TMED6: variants seen among roughly 807,000 people sequenced by gnomAD.
TMED6 encodes the protein transmembrane p24 trafficking protein 6.
TMED6 carries 17 observed loss-of-function variants against 26.5 expected under a neutral mutation model. The ratio of observed to expected loss-of-function variants is 0.64; its 90% CI spans 0.44 to 0.96. The LOEUF is 0.96. Among genes scored for constraint, TMED6 ranks in the 40% least tolerant of loss-of-function variants. The pLI, the probability that TMED6 is intolerant of heterozygous loss-of-function variation, is 0.00. For synonymous variants in TMED6, 107 were observed against 106.2 expected, an observed-to-expected ratio of 1.01 and a Z score of -0.04; for missense variants, 309 against 296.5, an observed-to-expected ratio of 1.04 and a Z score of -0.31.
Position 69,343,355 on chromosome 16 carries a change from G to C in TMED6, c.*52C>G. The stretch of plus-strand genomic sequence containing the variant: ...TTTTGTCCCATAACATTACAAAGCT[G>C]ATTCGACTAAGCCCCAGAAGAAAAC... On this transcript the variant is annotated 3_prime_UTR_variant, in exon 4 of 4. Coordinates refer to ENST00000288025, the MANE Select transcript of TMED6 (RefSeq NM_144676.4). 5.4e-6 allele frequency: 8 copies of C among 1,489,874 alleles called. No homozygotes were observed. The highest frequency in any genetic ancestry group is 7.4e-6 in the Non-Finnish European group (8 of 1,086,424). 92.3% of individuals were successfully genotyped at this position (1,489,874 alleles called of 1,614,324 possible). A position where few individuals can be genotyped will look rare whatever the true frequency, so the allele number is the denominator to read the frequency against.
At chr16:69,348,176 C>T in intron 2 of TMED6, 1 of 371,938 alleles carries the variant, frequency 2.7e-6, no homozygotes. Context: ...TGGGTAGTGG[C>T]AAACAATGTT....
rs560632544 is a variant in TMED6, at chr16:69,347,858, T to G, written c.419A>C (p.Tyr140Ser). ...TTTGTGATCAGTCTCAGGCCCCTCATAGAAGACCCCAAAGTTGAGGTACAC... is the reference window on the plus strand; with the variant it reads ...TTTGTGATCAGTCTCAGGCCCCTCAGAGAAGACCCCAAAGTTGAGGTACAC... ...VQVYLNFGVF[Y>S]EGPETDHKQK... Residue 140 changes from tyrosine (Y) to serine (S), a missense_variant, in exon 3 of 4, where the codon TAT (tyrosine) becomes TCT (serine). By Grantham distance (144) the Tyr-to-Ser change is moderately radical. Transcript: ENST00000288025. 2 of 1,614,056 alleles carry G rather than the reference T, an allele frequency of 1.2e-6. No homozygotes were observed. The highest frequency in any genetic ancestry group is 2.7e-5 in the African/African-American group (2 of 74,910).
intron 3 of TMED6, among the ~76,000 whole-genome samples, chr16:69,345,571 T>A (rs1398904506): frequency 6.2e-5 from 9 of 145,556 alleles, no homozygotes; most frequent in Non-Finnish European, 1.2e-4. Context: ...TAATGCCACC[T>A]ACTCAGGAGG....
At chr16:69,348,803 C>T (rs1442463373) in intron 2 of TMED6, among the ~76,000 whole-genome samples, 2 of 152,052 alleles carry the variant, frequency 1.3e-5, no homozygotes, top group Non-Finnish European at 1.5e-5. Flanking sequence ...TTAGTAGAGA[C>T]GGGGTTTCAC....
chr16:69,346,476 A>G (rs2012688361), intron 3 of TMED6, among the ~76,000 whole-genome samples: 1 of 152,308 alleles, frequency 6.6e-6, no homozygotes, highest in South Asian at 2.1e-4. Flanking sequence ...TAAAGAAGCC[A>G]GTCTTGGCTG....
rs145175739 is a variant in TMED6 at position 69,349,644 on chromosome 16, C to G, written c.221G>C (p.Arg74Pro). The G allele has an allele frequency of 6.2e-7, 1 of 1,613,386 alleles. No homozygotes were observed. Among genetic ancestry groups the G allele is most frequent in the Non-Finnish European group, 8.5e-7 (1 of 1,179,570 alleles). ...GYFYFSYEVQ[R>P]TVGMSHDRHV... The stretch of plus-strand genomic sequence containing the variant: ...CCGGTCATGTGACATCCCCACTGTC[C>G]GCTGAACCTGCCAAGACACATTAAA... Residue 74 changes from arginine (R) to proline (P), a missense_variant, in exon 2 of 4, where the codon CGG (arginine) becomes CCG (proline). Arg to Pro is a moderately radical substitution (Grantham distance 103). Coordinates refer to ENST00000288025, the MANE Select transcript of TMED6 (RefSeq NM_144676.4).
At chr16:69,348,400 G>A (rs2012720462) in intron 2 of TMED6, 1 of 144,186 alleles carries the variant, frequency 6.9e-6, no homozygotes, top group Non-Finnish European at 1.5e-5. Flanking sequence ...AAGGCGGTGT[G>A]TACAGTGACT....
At chr16:69,349,682 C>A (rs753857394) in intron 1 of TMED6, 31 bp from the exon 2 acceptor site, 21 of 1,603,344 alleles carry the variant, frequency 1.3e-5, no homozygotes, top group Non-Finnish European at 1.7e-5. Context: ...GGTAGCAGAA[C>A]CCCTGCTACA....
At position 69,351,608 on chromosome 16, in the gene TMED6, G is replaced by T. The variant is rs780721994; in HGVS notation, c.146C>A (p.Pro49His). 8 of 1,614,132 alleles carry T rather than the reference G, an allele frequency of 5.0e-6. No individual in the cohort carries two copies. Among genetic ancestry groups the T allele is most frequent in the Non-Finnish European group, 6.8e-6 (8 of 1,180,034 alleles). The change falls in exon 1 of 4, where the codon CCT becomes CAT. Residue 49 changes from proline (P) to histidine (H), a missense_variant. Transcript: ENST00000288025. ...ADRYDFAIMI[P>H]PGGTECFWQF... ...CCAAAAGCATTCCGTGCCTCCTGGA[G>T]GTATCATGATGGCAAAGTCATATCG... is the stretch of plus-strand genomic sequence containing the variant.
Position 69,343,493 on chromosome 16 carries a change from T to G in TMED6, c.637A>C (p.Ile213Leu), listed in dbSNP as rs773665936. 2.5e-6 allele frequency: 4 copies of G among 1,614,190 alleles called. No homozygotes were observed. The highest frequency in any genetic ancestry group is 1.7e-5 in the Admixed American group (1 of 60,004). Reference protein sequence around the residue: ...WWSTAQSLVIILSGILQLYFL... With the variant: ...WWSTAQSLVILLSGILQLYFL... ...TACAGTTGCAGGATCCCAGAAAGAA[T>G]AATAACAAGGCTCTGGGCTGTCGAC... The change falls in exon 4 of 4, where the codon ATT becomes CTT. Residue 213 changes from isoleucine to leucine, a missense_variant. By Grantham distance (5) the Ile-to-Leu change is conservative. Transcript: ENST00000288025.
At chr16:69,347,127 G>A (rs567081794) in intron 3 of TMED6, among the ~76,000 whole-genome samples, 3 of 152,134 alleles carry the variant, frequency 2.0e-5, no homozygotes, top group Admixed American at 6.5e-5. Flanking sequence ...TGACTAATGG[G>A]GAGTGGGATT....
intron 3 of TMED6, among the ~76,000 whole-genome samples, chr16:69,346,996 C>T (rs1426123284): frequency 1.3e-5 from 2 of 152,026 alleles, no homozygotes; most frequent in Non-Finnish European, 2.9e-5. Flanking sequence ...TGTGATCAAG[C>T]CACTGCACAC....
At chr16:69,347,079 A>G (rs1375075703) in intron 3 of TMED6, among the ~76,000 whole-genome samples, 1 of 152,168 alleles carries the variant, frequency 6.6e-6, no homozygotes, top group African/African-American at 2.4e-5. Flanking sequence ...GAGACAGTAG[A>G]ACAGTGATAG....
At chr16:69,345,678 C>CAA (rs34468905) in intron 3 of TMED6, among the ~76,000 whole-genome samples, 67 of 43,342 alleles carry the variant, frequency 1.5e-3, no homozygotes, top group East Asian at 2.6e-3. Context: ...CTGACTCTCT[C>CAA]AAAAAAAAAA....
chr16:69,344,711 T>G (rs2012654265), intron 3 of TMED6, among the ~76,000 whole-genome samples: 1 of 148,594 alleles, frequency 6.7e-6, no homozygotes, highest in Non-Finnish European at 1.5e-5. Flanking sequence ...AGGCAGAGGT[T>G]GCAGGGAGCT....
intron 1 of TMED6, among the ~76,000 whole-genome samples, chr16:69,350,362 T>C (rs760015219): frequency 9.9e-5 from 15 of 151,608 alleles, no homozygotes; most frequent in Admixed American, 1.3e-4. Flanking sequence ...TGGAGTGCAG[T>C]GATCTTGGCT....
intron 1 of TMED6, 45 bp from the exon 2 acceptor site, chr16:69,349,696 C>T (rs754909258): frequency 1.9e-5 from 31 of 1,593,948 alleles, no homozygotes; most frequent in Admixed American, 5.1e-5. Context: ...TGCTACATCA[C>T]GAGGAAGCCA....
intron 3 of TMED6, among the ~76,000 whole-genome samples, chr16:69,344,764 C>CTT (rs918871716): frequency 7.0e-6 from 1 of 143,848 alleles, no homozygotes; most frequent in Non-Finnish European, 1.5e-5. Flanking sequence ...CAGCACAAGA[C>CTT]TTTGTCTCAA....
At chr16:69,346,806 C>A (rs1277740413) in intron 3 of TMED6, among the ~76,000 whole-genome samples, 1 of 152,044 alleles carries the variant, frequency 6.6e-6, no homozygotes, top group Non-Finnish European at 1.5e-5. Context: ...CTGTGTGATT[C>A]CATTTAAATA....
Sources: gnomAD v4.1 joint callset for allele counts (sites outside exome capture counted in the v4.1 genomes callset) on GRCh38, gnomAD v4.1.1 for gene constraint, MANE v1.5 for transcripts, NCBI Gene and HGNC (gene_info 2026-07-23, HGNC 2026-07-21) for gene names.